LRP12: variants seen among roughly 807,000 people sequenced by gnomAD.
The protein encoded by LRP12 is low-density lipoprotein receptor-related protein 12.
In LRP12, 14 loss-of-function variants were observed where a neutral mutation model predicts 66.0. The ratio of observed to expected loss-of-function variants is 0.21; its 90% confidence interval spans 0.14 to 0.33. The LOEUF (loss-of-function observed/expected upper bound fraction) is 0.33. Among genes scored for constraint, LRP12 ranks in the 10% least tolerant of loss-of-function variants. The pLI is 1.00. For synonymous variants in LRP12, 357 were observed against 359.1 expected, an observed-to-expected ratio of 0.99 and a Z score of 0.07; for missense variants, 889 against 1,053.4, an observed-to-expected ratio of 0.84 and a Z score of 2.16.
chr8:104,588,978 G>GCCC lies in LRP12; in HGVS notation c.-82_-81insGGG. 2 of 719,696 alleles carry GCCC rather than the reference G, an allele frequency of 2.8e-6. No individual in the cohort carries two copies. The highest frequency in any genetic ancestry group is 4.3e-5 in the South Asian group (2 of 46,166). The allele number at this position is 719,696 out of a possible 1,614,324, so 44.6% of individuals were successfully genotyped here. A position where few individuals can be genotyped will look rare whatever the true frequency, so the allele number is the denominator to read the frequency against. On this transcript the variant is annotated 5_prime_UTR_variant, in exon 1 of 7. Coordinates refer to ENST00000276654, the MANE Select transcript of LRP12 (RefSeq NM_013437.5). Reference sequence around the variant, plus strand: ...GGAGGTAGACGACGCCGACGCCGCCGCCGCCGCCGCCGCCGCCGCCGAGCC... The same window carrying GCCC: ...GGAGGTAGACGACGCCGACGCCGCCGCCCCCGCCGCCGCCGCCGCCGCCGAGCC...
At chr8:104,501,298 CA>C (rs897638786) in intron 3 of LRP12, among the ~76,000 whole-genome samples, 21 of 151,916 alleles carry the variant, frequency 1.4e-4, no homozygotes, top group Non-Finnish European at 2.6e-4. Flanking sequence ...TCCCTGAAGA[CA>C]AATTTGCTGA....
chr8:104,552,801 A>C (rs1588503091), intron 1 of LRP12, among the ~76,000 whole-genome samples: 1 of 152,100 alleles, frequency 6.6e-6, no homozygotes, highest in South Asian at 2.1e-4. Flanking sequence ...CCATGTCATG[A>C]ACTTTTGCTC....
At position 104,491,326 on chromosome 8, in the gene LRP12, T is replaced by A. The variant is rs764550406; in HGVS notation, c.1927A>T (p.Thr643Ser). Residue 643 changes from threonine (T) to serine (S), a missense_variant, in exon 7 of 7, where the codon ACT (threonine) becomes TCT (serine). By Grantham distance (58) the Thr-to-Ser change is moderately conservative (BLOSUM62 1). Around this residue, in one of 3 missense-constraint regions of LRP12, gnomAD observed 800 missense variants for 964.5 expected, o/e 0.83. Coordinates refer to ENST00000276654, the MANE Select transcript of LRP12 (RefSeq NM_013437.5). ...STSREPERNH[T>S]HRSLFSVESD... is the part of the protein sequence containing the mutation. Reference sequence around the variant, plus strand: ...TCCACGGAAAACAAACTTCTGTGAGTATGATTTCTCTCAGGTTCTCTACTG... The same window carrying A: ...TCCACGGAAAACAAACTTCTGTGAGAATGATTTCTCTCAGGTTCTCTACTG... 6.2e-7 allele frequency: 1 copy of A among 1,614,156 alleles called. No individual in the cohort carries two copies. The highest frequency in any genetic ancestry group is 8.5e-7 in the Non-Finnish European group (1 of 1,180,018).
At chr8:104,588,735 G>T in intron 1 of LRP12, 84 bp downstream of exon 1, 1 of 1,245,620 alleles carries the variant, frequency 8.0e-7, no homozygotes, top group Admixed American at 2.1e-5. Context: ...GGAGTCTCCA[G>T]GGGAACCCCC....
chr8:104,534,021 G>A (rs1811362013), intron 1 of LRP12, among the ~76,000 whole-genome samples: 1 of 149,858 alleles, frequency 6.7e-6, no homozygotes, highest in South Asian at 2.1e-4. Context: ...GTTTTAAAAT[G>A]GAGATAATAC....
intron 1 of LRP12, among the ~76,000 whole-genome samples, chr8:104,547,619 ATT>A (rs2140875923): frequency 7.9e-6 from 1 of 125,952 alleles, no homozygotes; most frequent in African/African-American, 3.1e-5. Flanking sequence ...TATATAATAT[ATT>A]AATATATAAT....
chr8:104,555,127 A>C (rs959774780), intron 1 of LRP12, among the ~76,000 whole-genome samples: 2 of 152,198 alleles, frequency 1.3e-5, no homozygotes, highest in African/African-American at 4.8e-5. Flanking sequence ...AGGAGCTCTA[A>C]ATCTTGAAAC....
chr8:104,560,897 T>A (rs1588505717), intron 1 of LRP12, among the ~76,000 whole-genome samples: 1 of 152,180 alleles, frequency 6.6e-6, no homozygotes, highest in African/African-American at 2.4e-5. Flanking sequence ...ACTGACTAGT[T>A]AAAGAAGCCA....
chr8:104,504,313 A>T (rs921703316), intron 3 of LRP12: 15 of 151,726 alleles, frequency 9.9e-5, no homozygotes, highest in African/African-American at 3.4e-4. Flanking sequence ...TTTTTGTTTT[A>T]TTGAATTTTA....
intron 2 of LRP12, among the ~76,000 whole-genome samples, chr8:104,515,468 A>C (rs1811061337): frequency 6.6e-6 from 1 of 152,160 alleles, no homozygotes; most frequent in Non-Finnish European, 1.5e-5. Context: ...GCCTTTCTTT[A>C]TTGCAAAATG....
Position 104,531,863 on chromosome 8 carries a change from T to C in LRP12, c.136+44A>G, listed in dbSNP as rs755510044. The C allele has an allele frequency of 7.6e-6, 10 of 1,309,672 alleles. No individual in the cohort carries two copies. The African/African-American group carries it at 1.0e-4, about 14-fold the overall frequency. 81.1% of individuals were successfully genotyped at this position (1,309,672 alleles called of 1,614,324 possible). A position where few individuals can be genotyped will look rare whatever the true frequency, so the allele number is the denominator to read the frequency against. On this transcript the variant is annotated intron_variant, in intron 2 of 6. Coordinates refer to ENST00000276654, the MANE Select transcript of LRP12 (RefSeq NM_013437.5). ...ACCAGGTGGCTTTCAATATTTACCA[T>C]ATAAGTCATGCATGAAATTTAAACA...
At chr8:104,565,674 C>T (rs551766010) in intron 1 of LRP12, among the ~76,000 whole-genome samples, 1 of 152,088 alleles carries the variant, frequency 6.6e-6, no homozygotes, top group African/African-American at 2.4e-5. Flanking sequence ...CCCTGGCTAA[C>T]ACGGTGAAAC....
At chr8:104,517,606 C>A (rs941907556) in intron 2 of LRP12, among the ~76,000 whole-genome samples, 2 of 151,998 alleles carry the variant, frequency 1.3e-5, no homozygotes, top group African/African-American at 4.8e-5. Flanking sequence ...ATGAAAGTTT[C>A]ACGACAGCAA....
chr8:104,586,314 G>T (rs747227688), intron 1 of LRP12, among the ~76,000 whole-genome samples: 9 of 152,168 alleles, frequency 5.9e-5, no homozygotes, highest in Non-Finnish European at 1.0e-4. Flanking sequence ...ATTTTTTTAT[G>T]TATGTGAAAT....
chr8:104,516,299 C>T (rs565042686), intron 2 of LRP12, among the ~76,000 whole-genome samples: 2 of 151,984 alleles, frequency 1.3e-5, no homozygotes, highest in East Asian at 3.9e-4. Context: ...TGACTAGCCC[C>T]CACAAAAGCC....
chr8:104,565,569 T>C (rs1206704391), intron 1 of LRP12, among the ~76,000 whole-genome samples: 1 of 151,062 alleles, frequency 6.6e-6, no homozygotes, highest in African/African-American at 2.5e-5. Flanking sequence ...TAAAAATATA[T>C]ACAACCCAGG....
chr8:104,501,852 T>C (rs929144250), intron 3 of LRP12, among the ~76,000 whole-genome samples: 7 of 152,222 alleles, frequency 4.6e-5, no homozygotes, highest in Non-Finnish European at 2.9e-5. Flanking sequence ...AAGTCTAATT[T>C]GTTATTTTTG....
chr8:104,587,543 C>A lies in LRP12; in HGVS notation c.79+1276G>T, dbSNP rs375398566. Among the ~76,000 whole-genome samples the A allele has an allele frequency of 2.6e-5, 4 of 152,274 alleles. No homozygotes were observed. The East Asian group carries it at 7.7e-4, about 29-fold the overall frequency. On this transcript the variant is annotated intron_variant, in intron 1 of 6. Transcript: ENST00000276654. ...AAACAAAAATACTACTAATCAGGTA[C>A]GGGAGCAACACATCCTTAATTGTAC...
intron 1 of LRP12, among the ~76,000 whole-genome samples, chr8:104,550,129 C>T (rs376221348): frequency 7.9e-5 from 12 of 152,140 alleles, no homozygotes; most frequent in African/African-American, 2.7e-4. Flanking sequence ...TCACTGTAGT[C>T]GGTACTTTTC....
Sources: allele counts gnomAD v4.1 joint callset (sites outside exome capture counted in the v4.1 genomes callset), GRCh38; gene constraint gnomAD v4.1.1; regional missense constraint gnomAD v4.1.1; transcripts MANE v1.5; gene names NCBI Gene and HGNC (gene_info 2026-07-23, HGNC 2026-07-21).